CIITA: variants seen among roughly 807,000 people sequenced by gnomAD.
The protein encoded by CIITA is class II major histocompatibility complex transactivator.
Under a neutral mutation model 115.1 loss-of-function variants are expected in CIITA, and 72 were observed. The observed-to-expected ratio is 0.63, with a 90% CI of 0.52 to 0.76. CIITA has a LOEUF of 0.76. CIITA is among the 30% of genes least tolerant of loss of function. The pLI is 0.00. For missense variants in CIITA, 1,617 were observed against 1,463.8 expected, an observed-to-expected ratio of 1.10 and a Z score of -1.71; for synonymous variants, 763 against 635.6, an observed-to-expected ratio of 1.20 and a Z score of -3.02.
Position 10,916,425 on chromosome 16 carries a change from A to T in CIITA, c.3028A>T (p.Thr1010Ser). The T allele has an allele frequency of 6.2e-7, 1 of 1,613,146 alleles. No homozygotes were observed. The change falls in exon 15 of 20, where the codon ACC becomes TCC. Residue 1010 changes from threonine (T) to serine (S), a missense_variant. Coordinates refer to ENST00000324288, the MANE Select transcript of CIITA (RefSeq NM_000246.4). ...CGAGGGTGTCTCGCAGCTCTCAGCC[A>T]CCTTCCCCCAGCTGAAGTCCTTGGA... Reference protein sequence around the residue: ...GDEGVSQLSATFPQLKSLETL... With the variant: ...GDEGVSQLSASFPQLKSLETL...
chr16:10,889,122 G>A (rs1280214147), intron 1 of CIITA, among the ~76,000 whole-genome samples: 1 of 152,168 alleles, frequency 6.6e-6, no homozygotes, highest in African/African-American at 2.4e-5. Flanking sequence ...TGAGCTAGAG[G>A]GATACAGTCC....
At position 10,916,404 on chromosome 16, in the gene CIITA, G is replaced by C. The variant is rs1179362087; in HGVS notation, c.3007G>C (p.Gly1003Arg). The change falls in exon 15 of 20, where the codon GGT becomes CGT. Residue 1003 changes from glycine to arginine, a missense_variant. Coordinates refer to ENST00000324288, the MANE Select transcript of CIITA (RefSeq NM_000246.4). ...ALSENKIGDE[G>R]VSQLSATFPQ... is the part of the protein sequence containing the mutation. Reference sequence around the variant, plus strand: ...GAGTGAGAACAAGATCGGGGACGAGGGTGTCTCGCAGCTCTCAGCCACCTT... The same window carrying C: ...GAGTGAGAACAAGATCGGGGACGAGCGTGTCTCGCAGCTCTCAGCCACCTT... 1.2e-6 allele frequency: 2 copies of C among 1,613,798 alleles called. No homozygotes were observed. Among genetic ancestry groups the C allele is most frequent in the Admixed American group, 1.7e-5 (1 of 59,970 alleles).
chr16:10,913,075 C>G (rs2039691521), intron 13 of CIITA, among the ~76,000 whole-genome samples: 1 of 152,220 alleles, frequency 6.6e-6, no homozygotes, highest in Admixed American at 6.5e-5. Context: ...TCTCTCCATT[C>G]CAGCCACAGG....
At chr16:10,904,158 C>T (rs1362863059) in intron 9 of CIITA, among the ~76,000 whole-genome samples, 2 of 152,142 alleles carry the variant, frequency 1.3e-5, no homozygotes, top group Non-Finnish European at 2.9e-5. Flanking sequence ...ACAATGTGGT[C>T]AGATCTTTTG....
At chr16:10,870,386 G>A (rs2035402358) in intron 1 of CIITA, among the ~76,000 whole-genome samples, 1 of 152,132 alleles carries the variant, frequency 6.6e-6, no homozygotes, top group African/African-American at 2.4e-5. Context: ...TTCGCTCTGT[G>A]CTACACTGAG....
chr16:10,922,513 G>T, intron 18 of CIITA, 23 bp downstream of exon 18: 1 of 1,611,942 alleles, frequency 6.2e-7, no homozygotes, highest in Non-Finnish European at 8.5e-7. Context: ...AACCCTGGTG[G>T]GTGGAGAACA....
chr16:10,883,603 G>A (rs1191715264), intron 1 of CIITA, among the ~76,000 whole-genome samples: 2 of 152,184 alleles, frequency 1.3e-5, no homozygotes, highest in Non-Finnish European at 2.9e-5. Flanking sequence ...TTCAGAGGGG[G>A]CATCTGTGGT....
At chr16:10,870,858 G>T (rs1160512744) in intron 1 of CIITA, among the ~76,000 whole-genome samples, 1 of 152,230 alleles carries the variant, frequency 6.6e-6, no homozygotes, top group Non-Finnish European at 1.5e-5. Flanking sequence ...ACAGCAAGGA[G>T]AATGGAACAG....
At position 10,907,521 on chromosome 16, in the gene CIITA, G is replaced by A; in HGVS notation, c.2029G>A (p.Glu677Lys). ...CCGCAGACATCAAAGTACCCTACAG[G>A]AGGACCAGTTCCCATCCGCAGACGT... ...LGRRHQSTLQ[E>K]DQFPSADVRT... The change falls in exon 11 of 20, where the codon GAG becomes AAG. Residue 677 changes from glutamate (E) to lysine (K), a missense_variant. Physicochemically the swap from Glu to Lys is moderately conservative, Grantham distance 56 (BLOSUM62 1). Transcript: ENST00000324288. This position sits in a 1 kb window ranked among gnomAD's most constrained non-coding sequence, Gnocchi z 5.0. 6.2e-7 allele frequency: 1 copy of A among 1,614,106 alleles called. No individual in the cohort carries two copies. The highest frequency in any genetic ancestry group is 8.5e-7 in the Non-Finnish European group (1 of 1,180,020).
rs1463240834 is a variant in CIITA at position 10,941,926 on chromosome 16, G to C, written n.1052G>C. On this transcript the variant is annotated non_coding_transcript_exon_variant, in exon 2 of 2. Coordinates refer to the CIITA transcript ENST00000573379. The surrounding 1 kb of genome is among the most constrained non-coding windows in gnomAD (Gnocchi z 6.4). ...GAAGAACAGGCCCACGTAGAACATA[G>C]AGGGCAGCAGCGGCGGCGGCACGTA... 6.3e-7 allele frequency: 1 copy of C among 1,599,202 alleles called. No individual in the cohort carries two copies. The highest frequency in any genetic ancestry group is 8.5e-7 in the Non-Finnish European group (1 of 1,174,036).
At chr16:10,898,860 C>A in intron 4 of CIITA, 65 bp from the exon 5 acceptor site, 2 of 1,592,188 alleles carry the variant, frequency 1.3e-6, no homozygotes, top group Admixed American at 3.3e-5. Flanking sequence ...AAGGTGGGTA[C>A]AATAGAGACT....
intron 1 of CIITA, among the ~76,000 whole-genome samples, chr16:10,887,654 C>G (rs2037096129): frequency 6.6e-6 from 1 of 152,144 alleles, no homozygotes; most frequent in East Asian, 1.9e-4. Context: ...CACCACCACG[C>G]CCAGCTCATT....
In CIITA at chr16:10,923,003, C is replaced by A. The variant is rs535066516; in HGVS notation, c.3318-225C>A. ...AATAAAGCACAGAGCAGTTAACTAA[C>A]CTTTCTGGGGTCACACAGCAAGTCA... On this transcript the variant is annotated intron_variant, in intron 18 of 19. Transcript: ENST00000324288. This position sits in a 1 kb window ranked among gnomAD's most constrained non-coding sequence, Gnocchi z 5.2. 1.7e-6 allele frequency: 1 copy of A among 588,696 alleles called. No individual in the cohort carries two copies. Among genetic ancestry groups the A allele is most frequent in the South Asian group, 2.0e-5 (1 of 50,702 alleles). 36.5% of individuals were successfully genotyped at this position (588,696 alleles called of 1,614,324 possible).
Position 10,920,612 on chromosome 16 carries a change from A to C in CIITA, c.3150-1555A>C, listed in dbSNP as rs1005820342. Among the ~76,000 whole-genome samples the C allele has an allele frequency of 3.9e-5, 6 of 152,230 alleles. No individual in the cohort carries two copies. Among genetic ancestry groups the C allele is most frequent in the Non-Finnish European group, 7.3e-5 (5 of 68,048 alleles). ...AGATGCCATCCATTGTAAGACCCCA[A>C]TATGAGGCCAAAATGCAAACTGTGA... On this transcript the variant is annotated intron_variant, in intron 16 of 19. Coordinates refer to ENST00000324288, the MANE Select transcript of CIITA (RefSeq NM_000246.4). The surrounding 1 kb of genome is among the most constrained non-coding windows in gnomAD (Gnocchi z 4.5).
intron 13 of CIITA, among the ~76,000 whole-genome samples, chr16:10,910,546 A>T (rs2039489547): frequency 6.6e-6 from 1 of 152,192 alleles, no homozygotes; most frequent in South Asian, 2.1e-4. Flanking sequence ...TGTCCTCATG[A>T]GCTGACAGTC....
At position 10,927,832 on chromosome 16, in the gene CIITA, T is replaced by C. The variant is rs1357891213; in HGVS notation, c.*3977T>C. The C allele has an allele frequency of 6.6e-6, 1 of 152,274 alleles. No individual in the cohort carries two copies. The highest frequency in any genetic ancestry group is 1.9e-4 in the East Asian group (1 of 5,196). 9.4% of individuals were successfully genotyped at this position (152,274 alleles called of 1,614,324 possible). ...TTCTGACTTCTTTGGAGGACCTCTC[T>C]GCAGGGACAGGCACAGTGTGCCGGA... is the stretch of plus-strand genomic sequence containing the variant. On this transcript the variant is annotated 3_prime_UTR_variant, in exon 20 of 20. Coordinates refer to ENST00000324288, the MANE Select transcript of CIITA (RefSeq NM_000246.4).
chr16:10,904,455 A>G (rs1317531176), intron 9 of CIITA, among the ~76,000 whole-genome samples: 2 of 152,170 alleles, frequency 1.3e-5, no homozygotes, highest in Non-Finnish European at 2.9e-5. Context: ...TCCTGATCTC[A>G]AGTGATCCAC....
chr16:10,923,715 A>C lies in CIITA; in HGVS notation c.*23-163A>C, dbSNP rs1206830487. Among the ~76,000 whole-genome samples the C allele has an allele frequency of 1.3e-5, 2 of 151,884 alleles. No homozygotes were observed. Among genetic ancestry groups the C allele is most frequent in the African/African-American group, 4.8e-5 (2 of 41,326 alleles). On this transcript the variant is annotated intron_variant, in intron 19 of 19. Transcript: ENST00000324288. The surrounding 1 kb of genome is among the most constrained non-coding windows in gnomAD (Gnocchi z 5.2). ...AAGTCTCCTGCTCCTCACTATGAAG[A>C]TCACTGTCCCCCAGCCCTGTGCTCC...
At chr16:10,902,572 G>A (rs11640448) in intron 7 of CIITA, 86 bp from the exon 8 acceptor site, 62,408 of 1,559,522 alleles carry the variant, frequency 0.04, 1,482 homozygotes, top group Non-Finnish European at 0.048. Flanking sequence ...CTTTAGGGGG[G>A]TCAGACATTA....
Sources: allele counts gnomAD v4.1 joint callset (sites outside exome capture counted in the v4.1 genomes callset), GRCh38; gene constraint gnomAD v4.1.1; non-coding constraint Gnocchi (gnomAD v3.1); transcripts MANE v1.5; gene names NCBI Gene and HGNC (gene_info 2026-07-23, HGNC 2026-07-21).